Variants in FADS2 observed in about 807,000 individuals in gnomAD.
FADS2 encodes fatty acid desaturase 2, also known as acyl-CoA 6-desaturase.
FADS2 carries 18 observed loss-of-function variants against 61.2 expected under a neutral mutation model. The ratio of observed to expected loss-of-function variants is 0.29; its 90% confidence interval spans 0.20 to 0.44. FADS2 has a LOEUF of 0.44. FADS2 is among the 20% of genes least tolerant of loss of function. The probability of loss-of-function intolerance (pLI) is 1.00; values close to 1 mark genes in which losing one functional copy is unlikely to be tolerated. For missense variants in FADS2, 322 were observed against 572.7 expected (o/e 0.56, Z 4.47); for synonymous variants, 203 against 223.9 (o/e 0.91, Z 0.83).
chr11:61,853,335 T>TTCCTTCCTTCCTTCCTTG (rs1565334638), intron 5 of FADS2, among the ~76,000 whole-genome samples: 2 of 74,558 alleles, frequency 2.7e-5, no homozygotes, highest in African/African-American at 9.1e-5. Flanking sequence ...TTCCTTCCTT[T>TTCCTTCCTTCCTTCCTTG]CCTTCTTTCT....
chr11:61,832,689 C>T (rs966576660), intron 1 of FADS2, among the ~76,000 whole-genome samples: 1 of 152,298 alleles, frequency 6.6e-6, no homozygotes. Flanking sequence ...CCCTGCCTGC[C>T]TCTCTCTGCT....
chr11:61,840,219 C>G (rs1484437697), intron 2 of FADS2, 115 bp from the exon 3 acceptor site: 1 of 871,684 alleles, frequency 1.1e-6, no homozygotes, highest in African/African-American at 1.7e-5. Flanking sequence ...GCTTGGCCCC[C>G]TCTTGCCACA....
intron 9 of FADS2, 139 bp from the exon 10 acceptor site, chr11:61,863,568 G>A (rs1673360686): frequency 3.8e-6 from 3 of 785,478 alleles, no homozygotes; most frequent in Non-Finnish European, 6.4e-6. Context: ...GGGCATCTGG[G>A]TGGGCTGAGG....
intron 4 of FADS2, 124 bp downstream of exon 4, chr11:61,840,849 G>A: frequency 1.4e-6 from 1 of 737,934 alleles, no homozygotes; most frequent in Non-Finnish European, 2.3e-6. Context: ...CTATGCTGAG[G>A]GCCATGGTGA....
intron 4 of FADS2, among the ~76,000 whole-genome samples, chr11:61,844,782 G>T (rs751825017): frequency 6.0e-5 from 9 of 149,068 alleles, no homozygotes; most frequent in African/African-American, 2.0e-4. Context: ...AAAATTAGCC[G>T]GGCGTGGTGG....
At chr11:61,863,418 T>A in intron 9 of FADS2, 40 bp downstream of exon 9, 1 of 1,435,350 alleles carries the variant, frequency 7.0e-7, no homozygotes, top group Non-Finnish European at 9.8e-7. Flanking sequence ...CTGGTCCCAA[T>A]GTCCATGTCC....
chr11:61,837,091 A>T (rs979912309), intron 1 of FADS2, among the ~76,000 whole-genome samples: 2 of 152,200 alleles, frequency 1.3e-5, no homozygotes, highest in African/African-American at 4.8e-5. Flanking sequence ...AAAACTCAGC[A>T]CGTTTTTACT....
upstream of FADS2, among the ~76,000 whole-genome samples, chr11:61,823,300 G>C (rs2067047463): frequency 6.6e-6 from 1 of 152,188 alleles, no homozygotes; most frequent in South Asian, 2.1e-4. Flanking sequence ...AAAGAATAAG[G>C]ATTGTAGTTG....
chr11:61,828,855 A>ACTG lies in FADS2; in HGVS notation c.207+258_207+259insCTG. 1 of 462,606 alleles carries ACTG rather than the reference A, an allele frequency of 2.2e-6. No individual in the cohort carries two copies. Among genetic ancestry groups the ACTG allele is most frequent in the Non-Finnish European group, 3.9e-6 (1 of 257,636 alleles). 28.7% of individuals were successfully genotyped at this position (462,606 alleles called of 1,614,324 possible). On this transcript the variant is annotated intron_variant, in intron 1 of 11. Coordinates refer to ENST00000278840, the MANE Select transcript of FADS2 (RefSeq NM_004265.4). This position sits in a 1 kb window ranked among gnomAD's most constrained non-coding sequence, Gnocchi z 6.4. ...CCCAGCGGTGGAGAACAGGGCAAGC[A>ACTG]TCTACCGCGCGCGCCGGGACCCACG...
chr11:61,818,427 C>T (rs7930810), intron 1 of FADS2, among the ~76,000 whole-genome samples: 71 of 152,228 alleles, frequency 4.7e-4, no homozygotes, highest in African/African-American at 1.7e-3. Context: ...GTGTCTAATG[C>T]GAGCTACAAA....
chr11:61,863,132 G>A (rs1008345276), intron 8 of FADS2, 63 bp downstream of exon 8: 90 of 1,522,984 alleles, frequency 5.9e-5, no homozygotes, highest in Non-Finnish European at 7.6e-5. Context: ...GCTTTGGCAT[G>A]AGAAGAGGCT....
chr11:61,822,335 T>C (rs1047414963), intron 1 of FADS2, among the ~76,000 whole-genome samples: 1 of 152,260 alleles, frequency 6.6e-6, no homozygotes, highest in Admixed American at 6.5e-5. Context: ...CACTGTTTTA[T>C]AGACAAGGTG....
At chr11:61,843,570 G>C (rs972176430) in intron 4 of FADS2, among the ~76,000 whole-genome samples, 1 of 152,194 alleles carries the variant, frequency 6.6e-6, no homozygotes, top group Admixed American at 6.5e-5. Flanking sequence ...CTCGCTTAGG[G>C]TATAAAATCT....
intron 4 of FADS2, among the ~76,000 whole-genome samples, chr11:61,842,501 G>T (rs2067224844): frequency 6.6e-6 from 1 of 152,258 alleles, no homozygotes; most frequent in African/African-American, 2.4e-5. Context: ...AGGGGGGATT[G>T]TTCCTGTCCA....
chr11:61,846,859 T>TC (rs2067264345), intron 4 of FADS2: 1 of 152,150 alleles, frequency 6.6e-6, no homozygotes, highest in African/African-American at 2.4e-5. Flanking sequence ...GAGCCCTCCC[T>TC]CCAGCCTTCC....
upstream of FADS2, among the ~76,000 whole-genome samples, chr11:61,824,509 A>AAG (rs2067065222): frequency 2.9e-5 from 3 of 105,048 alleles, no homozygotes; most frequent in South Asian, 2.6e-4. Flanking sequence ...AAAGGAAAGA[A>AAG]AGAAAGAAAG....
rs1555078396 is a variant in FADS2 at position 61,861,371 on chromosome 11, A to AAAAAAAAAAAAAAAAAAC, written c.883-1601_883-1600insAAAAAAAAAAAAAAAAAC. Among the ~76,000 whole-genome samples, 37 of 106,524 alleles carry AAAAAAAAAAAAAAAAAAC rather than the reference A, an allele frequency of 3.5e-4. 4 individuals are homozygous for AAAAAAAAAAAAAAAAAAC. The highest frequency in any genetic ancestry group is 6.0e-3 in the Middle Eastern group (1 of 168). 69.9% of individuals were successfully genotyped at this position (106,524 alleles called of 152,430 possible). On this transcript the variant is annotated intron_variant, in intron 7 of 11. Transcript: ENST00000278840. ...TCCCTCTCAAAAAAAAAAAAAAAAA[A>AAAAAAAAAAAAAAAAAAC]CAGAAATTAGCTACTCGGGAGGCTG...
chr11:61,862,869 C>T (rs2067429995), intron 7 of FADS2, 103 bp from the exon 8 acceptor site: 2 of 899,422 alleles, frequency 2.2e-6, no homozygotes, highest in East Asian at 4.8e-5. Context: ...TGCGGTCCAG[C>T]TTCTAGAGGC....
At chr11:61,833,394 G>A (rs1169050531) in intron 1 of FADS2, among the ~76,000 whole-genome samples, 2 of 152,182 alleles carry the variant, frequency 1.3e-5, no homozygotes, top group African/African-American at 2.4e-5. Context: ...GAAACCTTCT[G>A]CCAGCGTTTG....
Sources: allele counts gnomAD v4.1 joint callset (sites outside exome capture counted in the v4.1 genomes callset), GRCh38; gene constraint gnomAD v4.1.1; non-coding constraint Gnocchi (gnomAD v3.1); transcripts MANE v1.5; gene names NCBI Gene and HGNC (gene_info 2026-07-23, HGNC 2026-07-21).